Variants in CDKAL1 observed in about 807,000 individuals in gnomAD.
CDKAL1 encodes threonylcarbamoyladenosine tRNA methylthiotransferase.
Under a neutral mutation model 68.2 loss-of-function variants are expected in CDKAL1, and 32 were observed. That is an observed-to-expected ratio of 0.47 (90% confidence interval 0.35 to 0.63). The LOEUF (loss-of-function observed/expected upper bound fraction) is 0.63. Among genes scored for constraint, CDKAL1 ranks in the 30% least tolerant of loss-of-function variants. The pLI is 0.00. For missense variants in CDKAL1, 606 were observed against 696.7 expected, an observed-to-expected ratio of 0.87 and a Z score of 1.47; for synonymous variants, 234 against 244.3, an observed-to-expected ratio of 0.96 and a Z score of 0.39.
At chr6:21,044,654 T>G (rs1770121505) in intron 11 of CDKAL1, among the ~76,000 whole-genome samples, 1 of 152,244 alleles carries the variant, frequency 6.6e-6, no homozygotes, top group South Asian at 2.1e-4. Context: ...TTCATGATTC[T>G]TCTAAATATT....
intron 9 of CDKAL1, among the ~76,000 whole-genome samples, chr6:20,883,585 G>A (rs1760927403): frequency 6.6e-6 from 1 of 152,216 alleles, no homozygotes; most frequent in Non-Finnish European, 1.5e-5. Flanking sequence ...CATGTGGCTA[G>A]TGGCAGCTGT....
chr6:20,813,383 T>C (rs1043948223), intron 8 of CDKAL1, among the ~76,000 whole-genome samples: 4 of 152,214 alleles, frequency 2.6e-5, no homozygotes, highest in African/African-American at 9.6e-5. Context: ...GTTGAAAACA[T>C]TTTTCTCTCA....
chr6:20,693,129 CAAAAAAAAAAAAAA>C (rs70990059), intron 5 of CDKAL1, among the ~76,000 whole-genome samples: 1 of 67,616 alleles, frequency 1.5e-5, no homozygotes, highest in Non-Finnish European at 3.0e-5. Context: ...GACTCTGTCT[CAAAAAAAAAAAAAA>C]AAAAAAAAAA....
intron 8 of CDKAL1, among the ~76,000 whole-genome samples, chr6:20,822,351 CAG>C (rs1303089372): frequency 6.6e-6 from 1 of 152,100 alleles, no homozygotes; most frequent in Non-Finnish European, 1.5e-5. Context: ...TATCAAAAGA[CAG>C]AATCTGAAAG....
intron 12 of CDKAL1, among the ~76,000 whole-genome samples, chr6:21,071,364 G>A (rs1212094403): frequency 1.3e-5 from 2 of 152,068 alleles, no homozygotes; most frequent in Admixed American, 1.3e-4. Flanking sequence ...ACCTTGTGAA[G>A]GGGGTGCCTG....
intron 13 of CDKAL1, among the ~76,000 whole-genome samples, chr6:21,170,706 T>C (rs780358341): frequency 6.6e-6 from 1 of 152,172 alleles, no homozygotes; most frequent in Non-Finnish European, 1.5e-5. Flanking sequence ...TTCTAAAATG[T>C]TTCTGATGCA....
At chr6:20,988,614 A>G (rs930235033) in intron 10 of CDKAL1, among the ~76,000 whole-genome samples, 1 of 151,972 alleles carries the variant, frequency 6.6e-6, no homozygotes, top group African/African-American at 2.4e-5. Context: ...GGGGGAAAAG[A>G]GACTGAGAGA....
intron 11 of CDKAL1, among the ~76,000 whole-genome samples, chr6:21,045,414 T>C (rs190456661): frequency 4.1e-4 from 62 of 152,328 alleles, no homozygotes; most frequent in African/African-American, 1.5e-3. Flanking sequence ...TGTTAAAAAT[T>C]AACAAGATGT....
chr6:20,634,431 T>G (rs1410465036), intron 4 of CDKAL1, among the ~76,000 whole-genome samples: 8 of 152,232 alleles, frequency 5.3e-5, no homozygotes, highest in Admixed American at 5.2e-4. Context: ...ATTATGCATA[T>G]GTACAGATTA....
chr6:21,004,025 T>G (rs962562878), intron 11 of CDKAL1, among the ~76,000 whole-genome samples: 1 of 152,184 alleles, frequency 6.6e-6, no homozygotes, highest in Non-Finnish European at 1.5e-5. Context: ...TCTCCAGCAG[T>G]GTGAGGCTTC....
chr6:20,960,678 TC>T (rs1765010315), intron 10 of CDKAL1, among the ~76,000 whole-genome samples: 1 of 152,254 alleles, frequency 6.6e-6, no homozygotes, highest in Admixed American at 6.5e-5. Context: ...TATTAACTGT[TC>T]CTTGACTTCA....
At chr6:21,197,750 G>A (rs181177104) in intron 13 of CDKAL1, among the ~76,000 whole-genome samples, 87 of 152,272 alleles carry the variant, frequency 5.7e-4, no homozygotes, top group Admixed American at 1.9e-3. Context: ...TTATGTTGAA[G>A]GAGATCAAAT....
intron 6 of CDKAL1, among the ~76,000 whole-genome samples, chr6:20,747,732 C>A (rs1261523940): frequency 6.6e-6 from 1 of 152,164 alleles, no homozygotes. Context: ...TGGACATGAA[C>A]CCCTTATCAG....
At chr6:21,222,089 A>ATAGTT (rs1466180064) in intron 15 of CDKAL1, among the ~76,000 whole-genome samples, 2 of 152,200 alleles carry the variant, frequency 1.3e-5, no homozygotes, top group Admixed American at 6.5e-5. Flanking sequence ...CATACAGTAG[A>ATAGTT]TAGTTTAATA....
intron 4 of CDKAL1, among the ~76,000 whole-genome samples, chr6:20,641,544 G>C (rs2127751867): frequency 6.6e-6 from 1 of 152,202 alleles, no homozygotes; most frequent in South Asian, 2.1e-4. Context: ...CATTTTCTTT[G>C]CTTAGAACAG....
chr6:20,596,564 C>T (rs1047976404), intron 4 of CDKAL1, among the ~76,000 whole-genome samples: 1 of 152,142 alleles, frequency 6.6e-6, no homozygotes, highest in African/African-American at 2.4e-5. Flanking sequence ...GCTGGCAGTG[C>T]GAATTTCAAG....
rs73735031 is a variant in CDKAL1 at position 20,936,648 on chromosome 6, C to T, written c.743-18771C>T. 6.4e-3 allele frequency among the ~76,000 whole-genome samples: 978 copies of T among 152,146 alleles called. 8 individuals carry two copies. Among genetic ancestry groups the T allele is most frequent in the African/African-American group, 0.023 (946 of 41,510 alleles). ...GCTGATGACAATGGCAGTACTATGA[C>T]ACGCTTCAGGATGTGGTCTTTGAGT... On this transcript the variant is annotated intron_variant, in intron 9 of 15. Coordinates refer to ENST00000274695, the MANE Select transcript of CDKAL1 (RefSeq NM_017774.3).
At chr6:20,716,654 G>A (rs2127838207) in intron 5 of CDKAL1, among the ~76,000 whole-genome samples, 1 of 152,056 alleles carries the variant, frequency 6.6e-6, no homozygotes, top group Admixed American at 6.6e-5. Context: ...GAACAGAAGA[G>A]GAGTTTTTCT....
At chr6:21,070,032 C>T (rs752814306) in intron 12 of CDKAL1, among the ~76,000 whole-genome samples, 93 of 151,920 alleles carry the variant, frequency 6.1e-4, no homozygotes, top group South Asian at 8.3e-4. Context: ...CCTTGTGATC[C>T]ACCCGCCTCA....
Sources: allele counts gnomAD v4.1 joint callset (sites outside exome capture counted in the v4.1 genomes callset), GRCh38; gene constraint gnomAD v4.1.1; transcripts MANE v1.5; gene names NCBI Gene and HGNC (gene_info 2026-07-23, HGNC 2026-07-21).